The following GRHL2 variants were observed in gnomAD, a reference collection of about 807,000 sequenced individuals.
GRHL2 encodes the protein grainyhead-like protein 2 homolog.
Under a neutral mutation model 83.8 loss-of-function variants are expected in GRHL2, and 21 were observed. The observed-to-expected ratio is 0.25, with a 90% CI of 0.18 to 0.36. The LOEUF (loss-of-function observed/expected upper bound fraction) is 0.36. Ranked by LOEUF, GRHL2 falls within the 10% of genes least tolerant of loss-of-function variation. The pLI, the probability that GRHL2 is intolerant of heterozygous loss-of-function variation, is 1.00. For synonymous variants in GRHL2, 280 were observed against 278.9 expected, an observed-to-expected ratio of 1.00 and a Z score of -0.04; for missense variants, 623 against 781.8, an observed-to-expected ratio of 0.80 and a Z score of 2.42.
chr8:101,647,624 C>A (rs527894033), intron 13 of GRHL2, among the ~76,000 whole-genome samples: 5 of 152,152 alleles, frequency 3.3e-5, no homozygotes, highest in Non-Finnish European at 5.9e-5. Context: ...TAAAATATTC[C>A]TTCCAAAGAA....
intron 1 of GRHL2, among the ~76,000 whole-genome samples, chr8:101,538,482 A>G (rs1380304651): frequency 6.6e-6 from 1 of 152,172 alleles, no homozygotes; most frequent in African/African-American, 2.4e-5. Flanking sequence ...CCTTGCTGTG[A>G]TTGCTCTGGC....
At chr8:101,565,107 C>G (rs994803447) in intron 4 of GRHL2, among the ~76,000 whole-genome samples, 1 of 152,126 alleles carries the variant, frequency 6.6e-6, no homozygotes, top group African/African-American at 2.4e-5. Flanking sequence ...TACTGTCATC[C>G]TGCAAGGAAG....
the GRHL2 span, among the ~76,000 whole-genome samples, chr8:101,675,902 G>A: frequency 5.3e-5 from 8 of 152,128 alleles, no homozygotes; most frequent in Non-Finnish European, 1.0e-4. Flanking sequence ...CAGAAATAAT[G>A]TCACATATCT....
intron 1 of GRHL2, among the ~76,000 whole-genome samples, chr8:101,540,157 G>A (rs1474855879): frequency 6.6e-6 from 1 of 152,190 alleles, no homozygotes; most frequent in Non-Finnish European, 1.5e-5. Context: ...ATAAAACTGT[G>A]CAGTGATAGT....
intron 2 of GRHL2, among the ~76,000 whole-genome samples, chr8:101,547,700 C>T (rs972212891): frequency 5.3e-5 from 8 of 152,304 alleles, no homozygotes; most frequent in African/African-American, 1.9e-4. Context: ...CAATGTCCAC[C>T]ATTTACAAAA....
At chr8:101,590,861 G>C (rs961138192) in intron 7 of GRHL2, among the ~76,000 whole-genome samples, 4 of 152,150 alleles carry the variant, frequency 2.6e-5, no homozygotes, top group African/African-American at 9.7e-5. Context: ...TATTTCACTA[G>C]TCCAGACAGA....
downstream of GRHL2, among the ~76,000 whole-genome samples, chr8:101,671,738 C>A (rs949896756): frequency 6.6e-6 from 1 of 152,218 alleles, no homozygotes; most frequent in Non-Finnish European, 1.5e-5. Context: ...CAGACTGCCT[C>A]CTCAAGCGGG....
chr8:101,612,894 C>T (rs558793346), intron 8 of GRHL2, among the ~76,000 whole-genome samples: 10 of 150,870 alleles, frequency 6.6e-5, no homozygotes, highest in South Asian at 2.1e-4. Context: ...CAATTAAACA[C>T]TAAACAAATA....
At chr8:101,680,439 A>G in the GRHL2 span, among the ~76,000 whole-genome samples, 4 of 148,652 alleles carry the variant, frequency 2.7e-5, no homozygotes, top group South Asian at 2.2e-4. Flanking sequence ...GTGCTTAGTG[A>G]CCTACAAAGA....
chr8:101,634,511 G>A (rs1313864099), intron 11 of GRHL2, among the ~76,000 whole-genome samples: 1 of 152,234 alleles, frequency 6.6e-6, no homozygotes, highest in African/African-American at 2.4e-5. Flanking sequence ...AGCAGTGGCA[G>A]GTCAATGGAT....
At chr8:101,613,849 A>T (rs1381469164) in intron 8 of GRHL2, among the ~76,000 whole-genome samples, 1 of 150,354 alleles carries the variant, frequency 6.7e-6, no homozygotes, top group Non-Finnish European at 1.5e-5. Context: ...TTGGAAAAGA[A>T]TTTTTTTTTC....
chr8:101,564,329 C>T (rs1811668943), intron 4 of GRHL2, among the ~76,000 whole-genome samples: 1 of 152,166 alleles, frequency 6.6e-6, no homozygotes, highest in Non-Finnish European at 1.5e-5. Context: ...TGTCTAAACT[C>T]ACTTATTCTA....
At chr8:101,671,372 G>A (rs2096551), downstream of GRHL2, among the ~76,000 whole-genome samples, 24 of 151,990 alleles carry the variant, frequency 1.6e-4, no homozygotes, top group African/African-American at 3.1e-4. Flanking sequence ...TATCCCGCAC[G>A]TGGCTCGGAG....
chr8:101,562,078 AGG>A (rs1193923930), intron 4 of GRHL2: 2 of 693,818 alleles, frequency 2.9e-6, no homozygotes, highest in Admixed American at 3.6e-5. Flanking sequence ...TTTGCCTGCA[AGG>A]GGGGCTCAGA....
intron 6 of GRHL2, among the ~76,000 whole-genome samples, chr8:101,575,856 G>A (rs1811923024): frequency 6.6e-6 from 1 of 152,220 alleles, no homozygotes; most frequent in South Asian, 2.1e-4. Flanking sequence ...AGTTGCACCA[G>A]CACAGAGAAT....
chr8:101,545,656 A>AC (rs1458980561), intron 2 of GRHL2, among the ~76,000 whole-genome samples: 1 of 151,832 alleles, frequency 6.6e-6, no homozygotes, highest in Non-Finnish European at 1.5e-5. Context: ...GAAGCACAGA[A>AC]CTCATCAAAT....
intron 1 of GRHL2, among the ~76,000 whole-genome samples, chr8:101,518,234 AC>A (rs1296672407): frequency 6.6e-6 from 1 of 151,942 alleles, no homozygotes. Flanking sequence ...CGTGGCAAAA[AC>A]CCGTTTCTAC....
intron 2 of GRHL2, among the ~76,000 whole-genome samples, chr8:101,547,375 AT>A (rs1811288266): frequency 6.6e-6 from 1 of 152,128 alleles, no homozygotes; most frequent in African/African-American, 2.4e-5. Flanking sequence ...CAAAGAAACC[AT>A]TTTTCCTCAC....
At chr8:101,522,147 C>A (rs145580307) in intron 1 of GRHL2, among the ~76,000 whole-genome samples, 1 of 151,656 alleles carries the variant, frequency 6.6e-6, no homozygotes, top group East Asian at 1.9e-4. Flanking sequence ...GGTACATGGC[C>A]CAAGTGTGTG....
Sources: allele counts gnomAD v4.1 joint callset (sites outside exome capture counted in the v4.1 genomes callset), GRCh38; gene constraint gnomAD v4.1.1; transcripts MANE v1.5; gene names NCBI Gene and HGNC (gene_info 2026-07-23, HGNC 2026-07-21).